The following GOPC variants were observed in gnomAD, a reference collection of about 807,000 sequenced individuals.
GOPC encodes the protein Golgi-associated PDZ and coiled-coil motif-containing protein.
A neutral mutation model predicts 51.2 loss-of-function variants in GOPC; 32 were observed. That is an observed-to-expected ratio of 0.63 (90% CI 0.47 to 0.84). The LOEUF (loss-of-function observed/expected upper bound fraction) is 0.84. GOPC is among the 40% of genes least tolerant of loss of function. GOPC has a pLI of 0.00. For synonymous variants in GOPC, 190 were observed against 205.1 expected, an observed-to-expected ratio of 0.93 and a Z score of 0.63; for missense variants, 441 against 555.5, an observed-to-expected ratio of 0.79 and a Z score of 2.07.
At chr6:117,600,469 C>G (rs1416083126) in intron 1 of GOPC, among the ~76,000 whole-genome samples, 2 of 152,052 alleles carry the variant, frequency 1.3e-5, no homozygotes, top group African/African-American at 4.8e-5. Context: ...TCGAATTATA[C>G]CATGTGGTAA....
chr6:117,575,016 T>C (rs1453057860), intron 4 of GOPC, among the ~76,000 whole-genome samples, 161 bp downstream of exon 4: 2 of 152,002 alleles, frequency 1.3e-5, no homozygotes, highest in African/African-American at 4.8e-5. Context: ...GAGGCAGAGG[T>C]TGCAGTGAGC....
chr6:117,594,695 C>T (rs908614938), intron 1 of GOPC, among the ~76,000 whole-genome samples: 5 of 152,160 alleles, frequency 3.3e-5, no homozygotes, highest in Admixed American at 3.3e-4. Context: ...AGCATATCAC[C>T]AGTTCATTAT....
chr6:117,595,995 G>C (rs1780191705), intron 1 of GOPC, among the ~76,000 whole-genome samples: 1 of 152,016 alleles, frequency 6.6e-6, no homozygotes, highest in Non-Finnish European at 1.5e-5. Context: ...CATAGTGGTT[G>C]GTGGTTTACA....
chr6:117,572,562 T>C (rs953723290), intron 5 of GOPC, among the ~76,000 whole-genome samples: 1 of 152,218 alleles, frequency 6.6e-6, no homozygotes, highest in African/African-American at 2.4e-5. Context: ...ATAATTTCTA[T>C]AATCCAGCCA....
Position 117,575,428 on chromosome 6 carries a change from A to G in GOPC, c.475-76T>C, listed in dbSNP as rs541708449. The G allele has an allele frequency of 3.3e-5, 34 of 1,027,516 alleles. No homozygotes were observed. In the South Asian group the frequency reaches 4.5e-4, roughly 14 times the overall value. The allele number at this position is 1,027,516 out of a possible 1,614,324, so 63.6% of individuals were successfully genotyped here. On this transcript the variant is annotated intron_variant, in intron 3 of 8. Coordinates refer to ENST00000368498, the MANE Select transcript of GOPC (RefSeq NM_020399.4). Reference sequence around the variant, plus strand: ...CACTAGACCATGTTCCTGAAAATGCACAAAAGCCTACAGTTCAACAATGTA... The same window carrying G: ...CACTAGACCATGTTCCTGAAAATGCGCAAAAGCCTACAGTTCAACAATGTA...
In GOPC at chr6:117,602,474, G is replaced by A. The variant is rs562098575; in HGVS notation, c.-186C>T. ...GGAGTAACGAGGCTGAAGCTGAGGCGGCAACGGCGGCGACACACGGAAGAC... is the reference window on the plus strand; with the variant it reads ...GGAGTAACGAGGCTGAAGCTGAGGCAGCAACGGCGGCGACACACGGAAGAC... On this transcript the variant is annotated 5_prime_UTR_variant, in exon 1 of 9. Coordinates refer to ENST00000368498, the MANE Select transcript of GOPC (RefSeq NM_020399.4). The A allele has an allele frequency of 3.3e-6, 2 of 613,154 alleles. No homozygotes were observed. Among genetic ancestry groups the A allele is most frequent in the Non-Finnish European group, 5.7e-6 (2 of 352,044 alleles). The allele number at this position is 613,154 out of a possible 1,614,324, so 38.0% of individuals were successfully genotyped here.
chr6:117,569,094 CTTTAG>C (rs1407730733), intron 7 of GOPC, among the ~76,000 whole-genome samples: 1 of 152,158 alleles, frequency 6.6e-6, no homozygotes, highest in African/African-American at 2.4e-5. Flanking sequence ...TCGCTAAGAA[CTTTAG>C]TTTACTCATT....
At chr6:117,578,044 G>A (rs1305609927) in intron 2 of GOPC, among the ~76,000 whole-genome samples, 3 of 152,082 alleles carry the variant, frequency 2.0e-5, no homozygotes, top group Non-Finnish European at 2.9e-5. Context: ...ATTTATTGCT[G>A]TGTCCCATAT....
chr6:117,597,861 C>T (rs188859014), intron 1 of GOPC, among the ~76,000 whole-genome samples: 39 of 149,322 alleles, frequency 2.6e-4, no homozygotes, highest in Admixed American at 6.7e-4. Flanking sequence ...AGCCAAGATA[C>T]GGAAGCAATC....
At chr6:117,584,098 A>G (rs751439948) in intron 1 of GOPC, among the ~76,000 whole-genome samples, 13 of 152,214 alleles carry the variant, frequency 8.5e-5, no homozygotes, top group Non-Finnish European at 1.3e-4. Flanking sequence ...TAGATTTATC[A>G]GAAAGGTTTC....
chr6:117,576,610 T>A (rs1285479288), intron 3 of GOPC, among the ~76,000 whole-genome samples: 1 of 152,112 alleles, frequency 6.6e-6, no homozygotes, highest in Non-Finnish European at 1.5e-5. Context: ...CTATTTATAC[T>A]ACATTAATGA....
At chr6:117,572,877 C>A (rs913029541) in intron 5 of GOPC, among the ~76,000 whole-genome samples, 2 of 152,154 alleles carry the variant, frequency 1.3e-5, no homozygotes, top group African/African-American at 4.8e-5. Context: ...ATATGTGAAC[C>A]CTTGGGAGAC....
At chr6:117,567,111 G>A in intron 7 of GOPC, 77 bp from the exon 8 acceptor site, 3 of 1,049,754 alleles carry the variant, frequency 2.9e-6, no homozygotes, top group Non-Finnish European at 4.0e-6. Context: ...TTCTTTGTGG[G>A]AAGGCTTAGG....
intron 3 of GOPC, among the ~76,000 whole-genome samples, chr6:117,577,041 A>G (rs1779893423): frequency 6.6e-6 from 1 of 152,094 alleles, no homozygotes. Context: ...CAGTAGATGA[A>G]GAAGAAACCA....
At chr6:117,589,707 T>C (rs1463848664) in intron 1 of GOPC, among the ~76,000 whole-genome samples, 2 of 152,160 alleles carry the variant, frequency 1.3e-5, no homozygotes, top group Non-Finnish European at 2.9e-5. Flanking sequence ...TGGAAACCAG[T>C]TGATAAATCT....
intron 7 of GOPC, among the ~76,000 whole-genome samples, 159 bp from the exon 8 acceptor site, chr6:117,567,193 G>A (rs1454336420): frequency 1.3e-5 from 2 of 152,166 alleles, no homozygotes; most frequent in African/African-American, 4.8e-5. Context: ...AAGAGGTAGT[G>A]AGGCCATCAT....
At chr6:117,567,175 A>C (rs954405401) in intron 7 of GOPC, 141 bp from the exon 8 acceptor site, 2 of 572,604 alleles carry the variant, frequency 3.5e-6, no homozygotes, top group African/African-American at 3.8e-5. Context: ...ATAAAATTCT[A>C]GAATCTAAAG....
At chr6:117,568,641 G>A (rs1779745899) in intron 7 of GOPC, among the ~76,000 whole-genome samples, 3 of 152,134 alleles carry the variant, frequency 2.0e-5, no homozygotes. Flanking sequence ...ATGATGCAGT[G>A]GTCTTCAGCA....
chr6:117,574,308 AT>A (rs1779847620), intron 4 of GOPC, among the ~76,000 whole-genome samples: 2 of 152,286 alleles, frequency 1.3e-5, no homozygotes, highest in Admixed American at 1.3e-4. Context: ...GATGATATAA[AT>A]TATTTTTTCT....
Sources: gnomAD v4.1 joint callset for allele counts (sites outside exome capture counted in the v4.1 genomes callset) on GRCh38, gnomAD v4.1.1 for gene constraint, MANE v1.5 for transcripts, NCBI Gene and HGNC (gene_info 2026-07-23, HGNC 2026-07-21) for gene names.